The following B4GALT6 variants were observed in gnomAD, a reference collection of about 807,000 sequenced individuals.
B4GALT6 encodes the protein beta-1,4-galactosyltransferase 6.
A neutral mutation model predicts 46.3 loss-of-function variants in B4GALT6; 14 were observed. The ratio of observed to expected loss-of-function variants is 0.30; its 90% confidence interval spans 0.20 to 0.47. The LOEUF (loss-of-function observed/expected upper bound fraction) is 0.47, where lower values mean the gene tolerates loss of function less well. Ranked by LOEUF, B4GALT6 falls within the 20% of genes least tolerant of loss-of-function variation. The pLI, the probability that B4GALT6 is intolerant of heterozygous loss-of-function variation, is 0.99. For missense variants in B4GALT6, 386 were observed against 480.1 expected (o/e 0.80, Z 1.83); for synonymous variants, 168 against 162.0 (o/e 1.04, Z -0.28).
intron 3 of B4GALT6, among the ~76,000 whole-genome samples, chr18:31,647,043 G>C (rs892933666): frequency 6.6e-6 from 1 of 152,174 alleles, no homozygotes; most frequent in Non-Finnish European, 1.5e-5. Context: ...TAAAATGTAA[G>C]ATTGATCAGT....
At chr18:31,647,647 A>G (rs894234458) in intron 3 of B4GALT6, among the ~76,000 whole-genome samples, 5 of 152,188 alleles carry the variant, frequency 3.3e-5, no homozygotes, top group Admixed American at 6.5e-5. Context: ...CAGGCCTCCC[A>G]GGACAAGTAT....
intron 1 of B4GALT6, among the ~76,000 whole-genome samples, chr18:31,670,707 T>G (rs2074341802): frequency 6.6e-6 from 1 of 152,216 alleles, no homozygotes; most frequent in Non-Finnish European, 1.5e-5. Context: ...TAAAACTATG[T>G]TAACCCAAAT....
intron 3 of B4GALT6, among the ~76,000 whole-genome samples, chr18:31,645,949 T>C (rs2073986256): frequency 1.3e-5 from 2 of 152,202 alleles, no homozygotes; most frequent in South Asian, 4.1e-4. Flanking sequence ...GAAAATGATT[T>C]AACCTCTCTG....
At chr18:31,718,158 C>T in the B4GALT6 span, among the ~76,000 whole-genome samples, 3 of 152,058 alleles carry the variant, frequency 2.0e-5, no homozygotes, top group Non-Finnish European at 2.9e-5. Context: ...CAAAATAAGA[C>T]CAAGGTCTAA....
At chr18:31,721,174 C>T in the B4GALT6 span, among the ~76,000 whole-genome samples, 1 of 81,172 alleles carries the variant, frequency 1.2e-5, no homozygotes, top group Non-Finnish European at 2.3e-5. Flanking sequence ...GTATGTCCAC[C>T]GGGGCCTGTC....
rs878866117 is a variant in B4GALT6, at chr18:31,625,357, G to T, written c.*257C>A. 21 of 380,604 alleles carry T rather than the reference G, an allele frequency of 5.5e-5. No homozygotes were observed. The South Asian group carries it at 1.7e-3, about 30-fold the overall frequency. 23.6% of individuals were successfully genotyped at this position (380,604 alleles called of 1,614,324 possible). On this transcript the variant is annotated 3_prime_UTR_variant, in exon 9 of 9. Transcript: ENST00000306851. ...TAGTATAAAAATTTTCTCTTCGGAG[G>T]GAGCTCTCTTAACTTCCGATCTTAA...
At chr18:31,627,173 T>C (rs766195137) in intron 6 of B4GALT6, 52 bp from the exon 7 acceptor site, 39 of 1,529,242 alleles carry the variant, frequency 2.6e-5, no homozygotes, top group East Asian at 2.1e-4. Flanking sequence ...TAATTTCCCA[T>C]GTGAAATGAA....
the B4GALT6 span, among the ~76,000 whole-genome samples, chr18:31,708,285 C>G: frequency 6.6e-6 from 1 of 152,202 alleles, no homozygotes; most frequent in Non-Finnish European, 1.5e-5. Flanking sequence ...AGCACTATAG[C>G]TGGGTGCGGT....
At chr18:31,652,284 A>C (rs1182087987) in intron 3 of B4GALT6, among the ~76,000 whole-genome samples, 2 of 152,102 alleles carry the variant, frequency 1.3e-5, no homozygotes, top group Non-Finnish European at 2.9e-5. Context: ...ATTTTACTGA[A>C]TTCGTGCTTG....
chr18:31,679,059 G>A (rs988873495), intron 1 of B4GALT6, among the ~76,000 whole-genome samples: 1 of 152,192 alleles, frequency 6.6e-6, no homozygotes, highest in African/African-American at 2.4e-5. Context: ...ATTACACACA[G>A]ACACTACAAA....
the B4GALT6 span, among the ~76,000 whole-genome samples, chr18:31,700,111 A>G: frequency 2.6e-5 from 4 of 152,186 alleles, no homozygotes; most frequent in Non-Finnish European, 5.9e-5. Context: ...GTCACACATA[A>G]AGAATCATCA....
chr18:31,720,499 G>A, the B4GALT6 span, among the ~76,000 whole-genome samples: 50 of 152,334 alleles, frequency 3.3e-4, no homozygotes, highest in South Asian at 7.5e-3. Context: ...AATCAGTAGC[G>A]CTTCAAAGGA....
At chr18:31,685,497 G>A (rs1043421978), upstream of B4GALT6, among the ~76,000 whole-genome samples, 10 of 151,544 alleles carry the variant, frequency 6.6e-5, no homozygotes, top group Admixed American at 4.6e-4. Context: ...GGGCCCCGAG[G>A]AAACCTGGAG....
At chr18:31,647,780 TAA>T (rs1461150642) in intron 3 of B4GALT6, among the ~76,000 whole-genome samples, 1 of 152,134 alleles carries the variant, frequency 6.6e-6, no homozygotes, top group Non-Finnish European at 1.5e-5. Flanking sequence ...GGTCATGTTA[TAA>T]AAAGAGTGGC....
intron 1 of B4GALT6, among the ~76,000 whole-genome samples, chr18:31,667,720 A>G (rs1471309015): frequency 6.6e-6 from 1 of 152,244 alleles, no homozygotes; most frequent in Non-Finnish European, 1.5e-5. Flanking sequence ...GGCTTTCTAG[A>G]AAGTAGTCTT....
chr18:31,663,713 T>C (rs575377463), intron 2 of B4GALT6, among the ~76,000 whole-genome samples: 28 of 152,360 alleles, frequency 1.8e-4, no homozygotes, highest in Non-Finnish European at 3.1e-4. Flanking sequence ...TTTTTGGATA[T>C]TGTATCTATA....
At chr18:31,659,202 G>A (rs994835048) in intron 2 of B4GALT6, among the ~76,000 whole-genome samples, 3 of 152,186 alleles carry the variant, frequency 2.0e-5, no homozygotes, top group African/African-American at 7.2e-5. Flanking sequence ...TTTGAATGTT[G>A]AGTAATCTGC....
At chr18:31,668,225 G>GC (rs1158017785) in intron 1 of B4GALT6, among the ~76,000 whole-genome samples, 5 of 152,114 alleles carry the variant, frequency 3.3e-5, no homozygotes, top group Admixed American at 3.3e-4. Flanking sequence ...ACCAAATACC[G>GC]CATGTTCTCA....
At chr18:31,684,825 G>A (rs938693505), upstream of B4GALT6, 33 of 978,454 alleles carry the variant, frequency 3.4e-5, no homozygotes, top group African/African-American at 5.8e-4. Flanking sequence ...CCTGCGGAGA[G>A]GGGCAGCTAA....
Sources: gnomAD v4.1 joint callset for allele counts (sites outside exome capture counted in the v4.1 genomes callset) on GRCh38, gnomAD v4.1.1 for gene constraint, MANE v1.5 for transcripts, NCBI Gene and HGNC (gene_info 2026-07-23, HGNC 2026-07-21) for gene names.